The following NLGN1 variants were observed in gnomAD, a reference collection of about 807,000 sequenced individuals.
NLGN1 encodes neuroligin 1, also known as neuroligin-1.
Under a neutral mutation model 65.5 loss-of-function variants are expected in NLGN1, and 12 were observed. That is an observed-to-expected ratio of 0.18 (90% CI 0.12 to 0.30). NLGN1 has a LOEUF of 0.30. Among genes scored for constraint, NLGN1 ranks in the 10% least tolerant of loss-of-function variants. NLGN1 has a pLI of 1.00. For missense variants in NLGN1, 750 were observed against 1,007.1 expected (o/e 0.74, Z 3.46); for synonymous variants, 350 against 359.5 (o/e 0.97, Z 0.30).
intron 4 of NLGN1, among the ~76,000 whole-genome samples, chr3:174,122,885 C>T (rs1351136470): frequency 2.0e-5 from 3 of 151,632 alleles, no homozygotes; most frequent in Admixed American, 6.6e-5. Context: ...GTTTCAGCAG[C>T]ATGCTATTTG....
At chr3:173,937,490 A>G (rs115769296) in intron 4 of NLGN1, among the ~76,000 whole-genome samples, 168 of 152,254 alleles carry the variant, frequency 1.1e-3, no homozygotes, top group African/African-American at 3.8e-3. Flanking sequence ...AACTTGATCA[A>G]ATCTTTATAT....
At chr3:173,832,649 G>T (rs968276965) in intron 4 of NLGN1, among the ~76,000 whole-genome samples, 1 of 152,106 alleles carries the variant, frequency 6.6e-6, no homozygotes, top group African/African-American at 2.4e-5. Context: ...GTCAAATTTT[G>T]TTAACTTAGG....
chr3:173,673,041 G>A (rs1054820546), intron 3 of NLGN1, among the ~76,000 whole-genome samples: 8 of 152,276 alleles, frequency 5.3e-5, no homozygotes, highest in African/African-American at 1.9e-4. Context: ...ACTGGTTTGT[G>A]ATTAAAGGTT....
chr3:174,271,951 T>G (rs938324983), intron 4 of NLGN1, among the ~76,000 whole-genome samples: 2 of 151,702 alleles, frequency 1.3e-5, no homozygotes, highest in African/African-American at 2.4e-5. Context: ...GTTGAATTTT[T>G]GGGGGGAAAA....
At chr3:173,656,000 T>C (rs2149669123) in intron 3 of NLGN1, among the ~76,000 whole-genome samples, 1 of 152,264 alleles carries the variant, frequency 6.6e-6, no homozygotes, top group East Asian at 1.9e-4. Context: ...AGAGCCCTGT[T>C]AAAGAATTTT....
chr3:174,038,753 G>T (rs1234064148), intron 4 of NLGN1, among the ~76,000 whole-genome samples: 1 of 152,058 alleles, frequency 6.6e-6, no homozygotes, highest in Non-Finnish European at 1.5e-5. Flanking sequence ...TTATGTTCTG[G>T]GTATTCAGAA....
chr3:173,520,671 G>A, intron 2 of NLGN1, among the ~76,000 whole-genome samples: 1 of 152,162 alleles, frequency 6.6e-6, no homozygotes, highest in East Asian at 1.9e-4. Flanking sequence ...TGCATAACAG[G>A]TAGTGACATA....
intron 3 of NLGN1, among the ~76,000 whole-genome samples, chr3:173,650,464 C>T (rs183708193): frequency 4.6e-4 from 70 of 152,264 alleles, no homozygotes; most frequent in Non-Finnish European, 7.8e-4. Flanking sequence ...ATAGTTTACA[C>T]TTGCTCCAGA....
At chr3:174,123,856 C>T (rs898734568) in intron 4 of NLGN1, among the ~76,000 whole-genome samples, 3 of 152,082 alleles carry the variant, frequency 2.0e-5, no homozygotes, top group East Asian at 1.9e-4. Flanking sequence ...ACTTCAACTG[C>T]CTGCTCCTCC....
At chr3:173,485,385 TAATC>T (rs1728013928) in intron 2 of NLGN1, among the ~76,000 whole-genome samples, 1 of 152,116 alleles carries the variant, frequency 6.6e-6, no homozygotes, top group African/African-American at 2.4e-5. Context: ...ATTTAATTAA[TAATC>T]CTCTTTTCCC....
intron 1 of NLGN1, among the ~76,000 whole-genome samples, chr3:173,412,486 A>G (rs1197175710): frequency 6.6e-6 from 1 of 152,154 alleles, no homozygotes. Context: ...GAATGTATTT[A>G]TCTTTATTAG....
chr3:173,662,891 G>A (rs190504430), intron 3 of NLGN1, among the ~76,000 whole-genome samples: 2 of 151,942 alleles, frequency 1.3e-5, no homozygotes, highest in Non-Finnish European at 2.9e-5. Flanking sequence ...TTTTCCATAG[G>A]TATTTGGAGA....
chr3:173,562,049 G>A (rs1742824304), intron 2 of NLGN1, among the ~76,000 whole-genome samples: 1 of 152,140 alleles, frequency 6.6e-6, no homozygotes, highest in Non-Finnish European at 1.5e-5. Context: ...TTTTTAGATG[G>A]TGGGGAAGCA....
intron 4 of NLGN1, among the ~76,000 whole-genome samples, chr3:174,156,630 T>C (rs952302352): frequency 6.6e-6 from 1 of 151,760 alleles, no homozygotes; most frequent in Non-Finnish European, 1.5e-5. Context: ...AATAGTCTAA[T>C]ATAAAACATA....
chr3:174,130,249 C>T (rs1485691295), intron 4 of NLGN1, among the ~76,000 whole-genome samples: 1 of 152,076 alleles, frequency 6.6e-6, no homozygotes, highest in Admixed American at 6.5e-5. Context: ...TGGCAGGCAC[C>T]TGTAATCCCA....
At chr3:173,735,009 A>G (rs1773517762) in intron 3 of NLGN1, among the ~76,000 whole-genome samples, 1 of 152,084 alleles carries the variant, frequency 6.6e-6, no homozygotes, top group African/African-American at 2.4e-5. Flanking sequence ...TTAAGAATTA[A>G]ACTTAATGCA....
chr3:173,719,853 G>A lies in NLGN1; in HGVS notation c.494-87827G>A, dbSNP rs114852811. The stretch of plus-strand genomic sequence containing the variant: ...TTCTGGGCCAGACACAGTGGCTCAC[G>A]CCTGTAATCCCAGTACTTGGGGAGC... On this transcript the variant is annotated intron_variant, in intron 3 of 6. Coordinates refer to ENST00000457714, the Ensembl canonical transcript of NLGN1. 8.2e-3 allele frequency among the ~76,000 whole-genome samples: 1,255 copies of A among 152,182 alleles called. 21 individuals carry two copies. Among genetic ancestry groups the A allele is most frequent in the African/African-American group, 0.029 (1,205 of 41,536 alleles).
At chr3:173,948,490 A>G (rs553620757) in intron 4 of NLGN1, among the ~76,000 whole-genome samples, 2 of 152,320 alleles carry the variant, frequency 1.3e-5, no homozygotes, top group South Asian at 4.1e-4. Context: ...CAGAGGAAAG[A>G]CCAGAGTTTG....
At chr3:174,153,319 A>C (rs1724755256) in intron 4 of NLGN1, among the ~76,000 whole-genome samples, 1 of 152,154 alleles carries the variant, frequency 6.6e-6, no homozygotes, top group Admixed American at 6.6e-5. Context: ...TAACATTTCA[A>C]GGACAATGTT....
Sources: allele counts gnomAD v4.1 joint callset (sites outside exome capture counted in the v4.1 genomes callset), GRCh38; gene constraint gnomAD v4.1.1; transcripts MANE v1.5; gene names NCBI Gene and HGNC (gene_info 2026-07-23, HGNC 2026-07-21).